Variants in ITGB7 observed in about 807,000 individuals in gnomAD.
ITGB7 encodes the protein integrin beta-7.
ITGB7 carries 55 observed loss-of-function variants against 83.4 expected under a neutral mutation model. The observed-to-expected ratio is 0.66, with a 90% CI of 0.53 to 0.83. The LOEUF is 0.83. Among genes scored for constraint, ITGB7 ranks in the 40% least tolerant of loss-of-function variants. The pLI, the probability that ITGB7 is intolerant of heterozygous loss-of-function variation, is 0.00. For synonymous variants in ITGB7, 454 were observed against 423.6 expected, an observed-to-expected ratio of 1.07 and a Z score of -0.88; for missense variants, 921 against 1,046.7, an observed-to-expected ratio of 0.88 and a Z score of 1.66.
rs1592410615 is a variant in ITGB7, at chr12:53,200,872, T to TGAGCC, written c.-4+195_-4+199dup. Among the ~76,000 whole-genome samples the TGAGCC allele has an allele frequency of 2.0e-5, 3 of 149,028 alleles. No individual in the cohort carries two copies. In the East Asian group the frequency reaches 5.9e-4, roughly 29 times the overall value. On this transcript the variant is annotated intron_variant, in intron 2 of 15. Coordinates refer to ENST00000267082, the MANE Select transcript of ITGB7 (RefSeq NM_000889.3). ...TGAACCAGGGAGGCGGAGGTTGTAG[T>TGAGCC]GAGCCGAGATCACACCACTGCACAC...
Position 53,192,874 on chromosome 12 carries a change from T to C in ITGB7, c.1763A>G (p.His588Arg). ...GRCQCGVCHC[H>R]ANRTGRACEC... ...GCATGCTCTGCCCGTGCGGTTGGCA[T>C]GACAGTGACATACTCCACATTGGCA... The change falls in exon 13 of 16, where the codon CAT (histidine) becomes CGT (arginine). Residue 588 changes from histidine to arginine, a missense_variant. Coordinates refer to ENST00000267082, the MANE Select transcript of ITGB7 (RefSeq NM_000889.3). 1 of 1,614,208 alleles carries C rather than the reference T, an allele frequency of 6.2e-7. No homozygotes were observed. Among genetic ancestry groups the C allele is most frequent in the Non-Finnish European group, 8.5e-7 (1 of 1,180,030 alleles).
At chr12:53,191,802 G>A in intron 15 of ITGB7, 57 bp downstream of exon 15, 2 of 1,605,870 alleles carry the variant, frequency 1.2e-6, no homozygotes, top group East Asian at 2.2e-5. Flanking sequence ...AGGAATCAGG[G>A]CTGGTCTTGT....
Position 53,196,712 on chromosome 12 carries a change from CTGAA to C in ITGB7, c.679_682del (p.Phe227AlafsTer8). Reference sequence around the variant, plus strand: ...CGTCAGGGACAGCACATGGTGAAAGCTGAATGGTGACTGGCAGCGCTCCAGCCGG... The same window carrying C: ...CGTCAGGGACAGCACATGGTGAAAGCTGGTGACTGGCAGCGCTCCAGCCGG... On this transcript the variant is annotated frameshift_variant, in exon 6 of 16. Transcript: ENST00000267082. LOFTEE classifies it high-confidence loss of function. 1.2e-6 allele frequency: 2 copies of C among 1,612,942 alleles called. No homozygotes were observed. The highest frequency in any genetic ancestry group is 1.7e-6 in the Non-Finnish European group (2 of 1,179,426).
At position 53,193,344 on chromosome 12, in the gene ITGB7, C is replaced by T. The variant is rs1942036811; in HGVS notation, c.1522G>A (p.Gly508Ser). 2 of 1,590,888 alleles carry T rather than the reference C, an allele frequency of 1.3e-6. No homozygotes were observed. The highest frequency in any genetic ancestry group is 2.7e-5 in the African/African-American group (2 of 74,400). The change falls in exon 12 of 16, where the codon GGT (glycine) becomes AGT (serine). Residue 508 changes from glycine to serine, a missense_variant. Gly to Ser is a moderately conservative substitution (Grantham distance 56). Coordinates refer to ENST00000267082, the MANE Select transcript of ITGB7 (RefSeq NM_000889.3). ...GCCACAGAGCACTCACAGAGCCGAC[C>T]TAGGCGGCCAGGGGCACAGCTGGAA... ...GVCSCAPGRL[G>S]RLCECSVAEL...
Position 53,197,619 on chromosome 12 carries a change from A to G in ITGB7, c.448T>C (p.Tyr150His). The G allele has an allele frequency of 6.2e-7, 1 of 1,614,068 alleles. No homozygotes were observed. Among genetic ancestry groups the G allele is most frequent in the Non-Finnish European group, 8.5e-7 (1 of 1,179,960 alleles). ...LQVRFLRAEGYPVDLYYLMDL... is the reference protein window; with the variant it reads ...LQVRFLRAEGHPVDLYYLMDL... ...ATAAGGTAGTACAGGTCCACCGGGT[A>G]TCCCTCAGCACGAAGGAAGCGGACC... Residue 150 changes from tyrosine (Y) to histidine (H), a missense_variant, in exon 5 of 16, where the codon TAC becomes CAC. By Grantham distance (83) the Tyr-to-His change is moderately conservative. Transcript: ENST00000267082.
intron 1 of ITGB7, among the ~76,000 whole-genome samples, 189 bp downstream of exon 1, chr12:53,207,013 G>A (rs764306724): frequency 6.6e-6 from 1 of 152,182 alleles, no homozygotes; most frequent in Non-Finnish European, 1.5e-5. Flanking sequence ...GGAGGTGGGG[G>A]TACTGTGAAA....
In ITGB7 at chr12:53,191,926, AC is replaced by A. The variant is rs1565697034; in HGVS notation, c.2248del (p.Val750TrpfsTer77). 6.2e-7 allele frequency: 1 copy of A among 1,610,938 alleles called. No homozygotes were observed. Among genetic ancestry groups the A allele is most frequent in the Admixed American group, 1.7e-5 (1 of 59,996 alleles). On this transcript the variant is annotated frameshift_variant, in exon 15 of 16. Coordinates refer to ENST00000267082, the MANE Select transcript of ITGB7 (RefSeq NM_000889.3). LOFTEE classifies it high-confidence loss of function. Reference sequence around the variant, plus strand: ...GTATTCCCGGCGGTCATAGATTTCCACCGAGAGCCGGTAAGCCAGGACCAGC... The same window carrying A: ...GTATTCCCGGCGGTCATAGATTTCCACGAGAGCCGGTAAGCCAGGACCAGC... The part of the protein sequence containing the change: ...LGLVLAYRLS[V>X]EIYDRREYSR...
At chr12:53,195,957 G>T in intron 7 of ITGB7, 84 bp downstream of exon 7, 1 of 1,511,142 alleles carries the variant, frequency 6.6e-7, no homozygotes, top group Non-Finnish European at 9.1e-7. Context: ...TTACTGGTGA[G>T]GACTGTAAGG....
rs953920812 is a variant in ITGB7, at chr12:53,195,167, A to G, written c.1161+207T>C. On this transcript the variant is annotated intron_variant, in intron 9 of 15. Transcript: ENST00000267082. Reference sequence around the variant, plus strand: ...CCTTTCTTGCCCAGAGCAGAGCTCCATGCTGTCTGCATGTCAGATGTTTTA... The same window carrying G: ...CCTTTCTTGCCCAGAGCAGAGCTCCGTGCTGTCTGCATGTCAGATGTTTTA... 124 of 588,028 alleles carry G rather than the reference A, an allele frequency of 2.1e-4. No individual in the cohort carries two copies. In the African/African-American group the frequency reaches 2.2e-3, roughly 11 times the overall value. 36.4% of individuals were successfully genotyped at this position (588,028 alleles called of 1,614,324 possible). A position where few individuals can be genotyped will look rare whatever the true frequency, so the allele number is the denominator to read the frequency against.
chr12:53,196,393 G>C, intron 6 of ITGB7, 186 bp downstream of exon 6: 1 of 1,033,192 alleles, frequency 9.7e-7, no homozygotes, highest in Non-Finnish European at 1.4e-6. Flanking sequence ...GCTTACTTGT[G>C]AATTCGAAAA....
At position 53,191,912 on chromosome 12, in the gene ITGB7, G is replaced by A. The variant is rs779207897; in HGVS notation, c.2263C>T (p.Arg755Cys). Residue 755 changes from arginine to cysteine, a missense_variant, in exon 15 of 16, where the codon CGC (arginine) becomes TGC (cysteine). Arg to Cys is a radical substitution (Grantham distance 180). Transcript: ENST00000267082. The part of the protein sequence containing the change: ...AYRLSVEIYD[R>C]REYSRFEKEQ... ...TTCTCAAAGCGACTGTATTCCCGGC[G>A]GTCATAGATTTCCACCGAGAGCCGG... The A allele has an allele frequency of 8.7e-6, 14 of 1,610,778 alleles. No individual in the cohort carries two copies. The highest frequency in any genetic ancestry group is 4.4e-5 in the South Asian group (4 of 91,008).
In ITGB7 at chr12:53,191,995, A is replaced by G. The variant is rs777412420; in HGVS notation, c.2180T>C (p.Ile727Thr). 24 of 1,613,008 alleles carry G rather than the reference A, an allele frequency of 1.5e-5. No homozygotes were observed. The highest frequency in any genetic ancestry group is 5.5e-5 in the South Asian group (5 of 91,062). ...QEKGADHTQA[I>T]VLGCVGGIVA... The stretch of plus-strand genomic sequence containing the variant: ...GATGCCCCCTACGCAGCCCAGCACA[A>G]TGGCCTGCGTGTGGTCTGCTCCCTC... The change falls in exon 15 of 16, where the codon ATT becomes ACT. Residue 727 changes from isoleucine (I) to threonine (T), a missense_variant. Ile to Thr is a moderately conservative substitution (Grantham distance 89, BLOSUM62 -1). Coordinates refer to ENST00000267082, the MANE Select transcript of ITGB7 (RefSeq NM_000889.3).
Position 53,191,858 on chromosome 12 carries a change from C to T in ITGB7, c.2316+1G>A. On this transcript the variant is annotated splice_donor_variant, in intron 15 of 15. Coordinates refer to ENST00000267082, the MANE Select transcript of ITGB7 (RefSeq NM_000889.3). LOFTEE classifies it high-confidence loss of function. ...GGGGCCTAACCAGGAAGTCTCCTCA[C>T]CTGCTTCCAGTTGAGTTGTTGCTGC... is the stretch of plus-strand genomic sequence containing the variant. 3 of 1,613,592 alleles carry T rather than the reference C, an allele frequency of 1.9e-6. No homozygotes were observed. Among genetic ancestry groups the T allele is most frequent in the Non-Finnish European group, 2.5e-6 (3 of 1,179,952 alleles).
chr12:53,193,362 A>C lies in ITGB7; in HGVS notation c.1504T>G (p.Cys502Gly). 6.4e-7 allele frequency: 1 copy of C among 1,573,984 alleles called. No individual in the cohort carries two copies. Among genetic ancestry groups the C allele is most frequent in the Non-Finnish European group, 8.6e-7 (1 of 1,156,236 alleles). ...AGCCGACCTAGGCGGCCAGGGGCAC[A>C]GCTGGAAGGGGAAGGCAAAGGAGAG... is the stretch of plus-strand genomic sequence containing the variant. The part of the protein sequence containing the change: ...QGHLQCGVCS[C>G]APGRLGRLCE... The change falls in exon 12 of 16, where the codon TGT becomes GGT. Residue 502 changes from cysteine (C) to glycine (G), a missense_variant and splice_region_variant. Cys to Gly is a radical substitution (Grantham distance 159). Transcript: ENST00000267082.
rs934901095 is a variant in ITGB7 at position 53,196,072 on chromosome 12, C to G, written c.944G>C (p.Ser315Thr). 6.2e-7 allele frequency: 1 copy of G among 1,614,042 alleles called. No individual in the cohort carries two copies. The highest frequency in any genetic ancestry group is 8.5e-7 in the Non-Finnish European group (1 of 1,180,028). The change falls in exon 7 of 16, where the codon AGC (serine) becomes ACC (threonine). Residue 315 changes from serine to threonine, a missense_variant. By Grantham distance (58) the Ser-to-Thr change is moderately conservative (BLOSUM62 1). Coordinates refer to ENST00000267082, the MANE Select transcript of ITGB7 (RefSeq NM_000889.3). ...MPSDGHCHLD[S>T]NGLYSRSTEF... ...TGTGCTGCGACTGTAGAGGCCATTG[C>G]TGTCCAAGTGGCAGTGCCCATCACT...
At chr12:53,197,699 A>G (rs1942212515) in intron 4 of ITGB7, 36 bp from the exon 5 acceptor site, 2 of 1,605,434 alleles carry the variant, frequency 1.2e-6, no homozygotes, top group African/African-American at 1.3e-5. Flanking sequence ...AGCAGAGCGC[A>G]TTGGAACGCC....
At chr12:53,206,834 G>A (rs1270385627) in intron 1 of ITGB7, 1 of 152,340 alleles carries the variant, frequency 6.6e-6, no homozygotes, top group Non-Finnish European at 1.5e-5. Flanking sequence ...GATAGCAGCT[G>A]GGGGTGATGT....
chr12:53,191,475 T>TA lies in ITGB7; in HGVS notation c.*80dup. ...GTGAATTAGTCCCCTACCAAGGTCT[T>TA]ACAGACCCACCCTTCCTCTCACCCT... is the stretch of plus-strand genomic sequence containing the variant. On this transcript the variant is annotated 3_prime_UTR_variant, in exon 16 of 16. Transcript: ENST00000267082. The TA allele has an allele frequency of 6.1e-6, 7 of 1,149,990 alleles. No homozygotes were observed. The highest frequency in any genetic ancestry group is 9.2e-6 in the Non-Finnish European group (7 of 757,840). 71.2% of individuals were successfully genotyped at this position (1,149,990 alleles called of 1,614,324 possible).
In ITGB7 at chr12:53,192,036, A is replaced by G. The variant is rs1401621150; in HGVS notation, c.2156-17T>C. 1 of 1,608,624 alleles carries G rather than the reference A, an allele frequency of 6.2e-7. No individual in the cohort carries two copies. Among genetic ancestry groups the G allele is most frequent in the South Asian group, 1.1e-5 (1 of 90,928 alleles). ...CTGCTCCCTCTGTGAACAAGAAACCAGACACACTTGTGGGAGCTGGAGCAT... is the reference window on the plus strand; with the variant it reads ...CTGCTCCCTCTGTGAACAAGAAACCGGACACACTTGTGGGAGCTGGAGCAT... On this transcript the variant is annotated splice_polypyrimidine_tract_variant and intron_variant, in intron 14 of 15. Coordinates refer to ENST00000267082, the MANE Select transcript of ITGB7 (RefSeq NM_000889.3).
Sources: gnomAD v4.1 joint callset for allele counts (sites outside exome capture counted in the v4.1 genomes callset) on GRCh38, gnomAD v4.1.1 for gene constraint, MANE v1.5 for transcripts, NCBI Gene and HGNC (gene_info 2026-07-23, HGNC 2026-07-21) for gene names.